Variants in MCRIP1 observed in about 807,000 individuals in gnomAD.
The protein encoded by MCRIP1 is mapk-regulated corepressor-interacting protein 1.
In MCRIP1, 10 loss-of-function variants were observed where a neutral mutation model predicts 14.4. That is an observed-to-expected ratio of 0.70 (90% CI 0.43 to 1.18). The LOEUF is 1.18. Ranked by LOEUF, MCRIP1 falls within the 50% of genes most tolerant of loss-of-function variation. The pLI is 0.00. For synonymous variants in MCRIP1, 53 were observed against 55.7 expected, an observed-to-expected ratio of 0.95 and a Z score of 0.21; for missense variants, 119 against 135.4, an observed-to-expected ratio of 0.88 and a Z score of 0.60.
At chr17:81,829,427 T>C (rs910932865) in intron 1 of MCRIP1, among the ~76,000 whole-genome samples, 14 of 152,178 alleles carry the variant, frequency 9.2e-5, no homozygotes, top group Admixed American at 5.9e-4. Context: ...CTTCCCTCTT[T>C]CTGTCAGAAT....
chr17:81,823,541 G>A lies in MCRIP1; in HGVS notation c.128-28C>T, dbSNP rs1457406342. 6.5e-7 allele frequency: 1 copy of A among 1,529,306 alleles called. No individual in the cohort carries two copies. The highest frequency in any genetic ancestry group is 2.0e-5 in the Admixed American group (1 of 50,884). The allele number at this position is 1,529,306 out of a possible 1,614,324, so 94.7% of individuals were successfully genotyped here. ...GCAGAGGCAGAGAGTGGTGTGCTCAGGGCCCCCTGCCCCAGGGGGTGGCAT... is the reference window on the plus strand; with the variant it reads ...GCAGAGGCAGAGAGTGGTGTGCTCAAGGCCCCCTGCCCCAGGGGGTGGCAT... On this transcript the variant is annotated intron_variant, in intron 3 of 4. Coordinates refer to ENST00000455127, the MANE Select transcript of MCRIP1 (RefSeq NM_207368.5). This position sits in a 1 kb window ranked among gnomAD's most constrained non-coding sequence, Gnocchi z 6.0.
At position 81,824,840 on chromosome 17, in the gene MCRIP1, C is replaced by G. The variant is rs148040258; in HGVS notation, c.-48-286G>C. On this transcript the variant is annotated intron_variant, in intron 1 of 4. Coordinates refer to ENST00000455127, the MANE Select transcript of MCRIP1 (RefSeq NM_207368.5). The stretch of plus-strand genomic sequence containing the variant: ...GCCTTGATCCTCCACGTCTCAGGCT[C>G]AGACGTGGAGGCCTCAGCCCCAGCA... The G allele has an allele frequency of 5.9e-4, 773 of 1,312,806 alleles. 1 individual carries two copies. In the Middle Eastern group the frequency reaches 0.017, roughly 29 times the overall value. 81.3% of individuals were successfully genotyped at this position (1,312,806 alleles called of 1,614,324 possible). A position where few individuals can be genotyped will look rare whatever the true frequency, so the allele number is the denominator to read the frequency against.
intron 1 of MCRIP1, chr17:81,824,898 G>A (rs1396289807): frequency 1.7e-6 from 2 of 1,193,100 alleles, no homozygotes. Context: ...CCCTCCCCAC[G>A]TGGGCTGGTG....
At chr17:81,829,075 T>C (rs749977467) in intron 1 of MCRIP1, among the ~76,000 whole-genome samples, 24 of 152,080 alleles carry the variant, frequency 1.6e-4, no homozygotes, top group South Asian at 6.2e-4. Flanking sequence ...CCCAGGACCA[T>C]AGTGGGTGAG....
At chr17:81,826,489 C>T in intron 1 of MCRIP1, 2 of 881,110 alleles carry the variant, frequency 2.3e-6, no homozygotes, top group Non-Finnish European at 3.5e-6. Flanking sequence ...TGGCACTGCA[C>T]TCCAGCCCAG....
At chr17:81,832,302 G>A (rs550846999) in intron 1 of MCRIP1, among the ~76,000 whole-genome samples, 12 of 152,266 alleles carry the variant, frequency 7.9e-5, no homozygotes, top group East Asian at 7.7e-4. Context: ...ACCGCCCAGG[G>A]AAAGCCTCTA....
At position 81,827,550 on chromosome 17, in the gene MCRIP1, C is replaced by T. The variant is rs1451495506; in HGVS notation, c.-48-2996G>A. 3.3e-5 allele frequency among the ~76,000 whole-genome samples: 5 copies of T among 151,254 alleles called. No individual in the cohort carries two copies. The East Asian group carries it at 6.0e-4, about 18-fold the overall frequency. Reference sequence around the variant, plus strand: ...CCTCCCAAAGTGCTGGGATTACAGTCGTGAGCCACCACGCCCGGCCGGCAA... The same window carrying T: ...CCTCCCAAAGTGCTGGGATTACAGTTGTGAGCCACCACGCCCGGCCGGCAA... On this transcript the variant is annotated intron_variant, in intron 1 of 4. Coordinates refer to ENST00000455127, the MANE Select transcript of MCRIP1 (RefSeq NM_207368.5).
At chr17:81,827,300 C>A (rs1264647466) in intron 1 of MCRIP1, among the ~76,000 whole-genome samples, 1 of 151,484 alleles carries the variant, frequency 6.6e-6, no homozygotes. Context: ...GAGATGGAGT[C>A]TCGCTCTGCT....
chr17:81,827,776 ATTT>A (rs757592037), intron 1 of MCRIP1, among the ~76,000 whole-genome samples: 2,264 of 110,606 alleles, frequency 0.02, 43 homozygotes, highest in African/African-American at 0.08. Context: ...GCACCCATAC[ATTT>A]TTTTTTTTTT....
In MCRIP1 at chr17:81,822,418, C is replaced by G. The variant is rs1443191793; in HGVS notation, c.*829G>C. 1 of 152,516 alleles carries G rather than the reference C, an allele frequency of 6.6e-6. No individual in the cohort carries two copies. Among genetic ancestry groups the G allele is most frequent in the Non-Finnish European group, 1.5e-5 (1 of 68,290 alleles). 9.4% of individuals were successfully genotyped at this position (152,516 alleles called of 1,614,324 possible). On this transcript the variant is annotated 3_prime_UTR_variant, in exon 5 of 5. Transcript: ENST00000455127. Reference sequence around the variant, plus strand: ...CTGACAGACCACCAAGAGGCCACGCCCAGTGCCGCCGCCTTTATTCACAGA... The same window carrying G: ...CTGACAGACCACCAAGAGGCCACGCGCAGTGCCGCCGCCTTTATTCACAGA...
chr17:81,832,845 G>C (rs1011563735), intron 1 of MCRIP1, among the ~76,000 whole-genome samples: 13 of 152,358 alleles, frequency 8.5e-5, no homozygotes, highest in African/African-American at 2.9e-4. Flanking sequence ...GAGAATCGGA[G>C]GCATCCTCAG....
intron 1 of MCRIP1, among the ~76,000 whole-genome samples, chr17:81,830,858 A>G (rs1242950992): frequency 6.7e-6 from 1 of 148,468 alleles, no homozygotes; most frequent in East Asian, 2.0e-4. Context: ...CCCCATTGCT[A>G]CTAAAAAAAA....
Position 81,822,496 on chromosome 17 carries a change from GA to G in MCRIP1, c.*750del. ...CTTAGCTTTCAGAGGGCACAGGAAGGAAAAGGGACCTGGTGACCCTCCCAGC... is the reference window on the plus strand; with the variant it reads ...CTTAGCTTTCAGAGGGCACAGGAAGGAAAGGGACCTGGTGACCCTCCCAGC... On this transcript the variant is annotated 3_prime_UTR_variant, in exon 5 of 5. Coordinates refer to ENST00000455127, the MANE Select transcript of MCRIP1 (RefSeq NM_207368.5). 6.5e-6 allele frequency: 1 copy of G among 152,790 alleles called. No individual in the cohort carries two copies. The highest frequency in any genetic ancestry group is 1.5e-5 in the Non-Finnish European group (1 of 68,454). The allele number at this position is 152,790 out of a possible 1,614,324, so 9.5% of individuals were successfully genotyped here. A position where few individuals can be genotyped will look rare whatever the true frequency, so the allele number is the denominator to read the frequency against.
At position 81,823,738 on chromosome 17, in the gene MCRIP1, C is replaced by T; in HGVS notation, c.128-225G>A. The T allele has an allele frequency of 1.7e-6, 1 of 601,348 alleles. No homozygotes were observed. Among genetic ancestry groups the T allele is most frequent in the Non-Finnish European group, 3.0e-6 (1 of 337,642 alleles). 37.3% of individuals were successfully genotyped at this position (601,348 alleles called of 1,614,324 possible). On this transcript the variant is annotated intron_variant, in intron 3 of 4. Coordinates refer to ENST00000455127, the MANE Select transcript of MCRIP1 (RefSeq NM_207368.5). This position sits in a 1 kb window ranked among gnomAD's most constrained non-coding sequence, Gnocchi z 6.0. ...TCCCTTCCCCGCAAGATGACCAGGA[C>T]TGTGGTCAGAGGGACCCCTATGACC...
intron 1 of MCRIP1, chr17:81,825,531 C>G (rs984023229): frequency 1.6e-6 from 2 of 1,273,698 alleles, no homozygotes; most frequent in African/African-American, 1.5e-5. Context: ...CCAGGGCACA[C>G]GGCTGCAGCC....
intron 1 of MCRIP1, among the ~76,000 whole-genome samples, chr17:81,829,467 C>G (rs992375406): frequency 6.6e-6 from 1 of 152,246 alleles, no homozygotes; most frequent in Non-Finnish European, 1.5e-5. Context: ...GTCCCGGCCA[C>G]GGCCCCGTAC....
intron 1 of MCRIP1, chr17:81,824,814 G>T: frequency 7.3e-7 from 1 of 1,366,644 alleles, no homozygotes; most frequent in Admixed American, 3.4e-5. Flanking sequence ...CCCGCTCAGC[G>T]GCCTTGATCC....
intron 1 of MCRIP1, among the ~76,000 whole-genome samples, 181 bp downstream of exon 1, chr17:81,833,057 A>G (rs888757028): frequency 3.5e-4 from 53 of 150,350 alleles, no homozygotes; most frequent in African/African-American, 1.3e-3. Flanking sequence ...GCCCTCCTGC[A>G]GGTGCCGGGC....
At chr17:81,827,894 C>G (rs2038442318) in intron 1 of MCRIP1, among the ~76,000 whole-genome samples, 1 of 150,590 alleles carries the variant, frequency 6.6e-6, no homozygotes, top group Admixed American at 6.6e-5. Context: ...CATTCTCCTG[C>G]CTCAGCCTCT....
Sources: allele counts gnomAD v4.1 joint callset (sites outside exome capture counted in the v4.1 genomes callset), GRCh38; gene constraint gnomAD v4.1.1; non-coding constraint Gnocchi (gnomAD v3.1); transcripts MANE v1.5; gene names NCBI Gene and HGNC (gene_info 2026-07-23, HGNC 2026-07-21).